CNTNAP2: variants seen among roughly 807,000 people sequenced by gnomAD.
The protein encoded by CNTNAP2 is contactin-associated protein-like 2.
CNTNAP2 carries 98 observed loss-of-function variants against 155.2 expected under a neutral mutation model. That is an observed-to-expected ratio of 0.63 (90% CI 0.54 to 0.75). CNTNAP2 has a LOEUF of 0.75. Ranked by LOEUF, CNTNAP2 falls within the 30% of genes least tolerant of loss-of-function variation. CNTNAP2 has a pLI of 0.00. For missense variants in CNTNAP2, 1,727 were observed against 1,688.1 expected, an observed-to-expected ratio of 1.02 and a Z score of -0.40; for synonymous variants, 651 against 631.2, an observed-to-expected ratio of 1.03 and a Z score of -0.47.
intron 1 of CNTNAP2, among the ~76,000 whole-genome samples, chr7:146,150,716 T>C (rs532054152): frequency 2.0e-5 from 3 of 152,218 alleles, no homozygotes; most frequent in South Asian, 4.1e-4. Flanking sequence ...GGCCCAACTT[T>C]AGGTAGAAAT....
chr7:147,263,586 G>A (rs1279983406), intron 8 of CNTNAP2, among the ~76,000 whole-genome samples: 1 of 152,156 alleles, frequency 6.6e-6, no homozygotes, highest in Non-Finnish European at 1.5e-5. Flanking sequence ...ATCTGCCTGA[G>A]ATAATTTGAC....
rs532201192 is a variant in CNTNAP2 at position 147,533,208 on chromosome 7, T to G, written c.1778-28930T>G. On this transcript the variant is annotated intron_variant, in intron 11 of 23. Coordinates refer to ENST00000361727, the MANE Select transcript of CNTNAP2 (RefSeq NM_014141.6). ...TTTGATCTTAGAAAAAACTAAAAGT[T>G]ATCATAAAAGACTTTATTCTAACTG... Among the ~76,000 whole-genome samples the G allele has an allele frequency of 3.3e-5, 5 of 152,328 alleles. No homozygotes were observed. In the East Asian group the frequency reaches 9.6e-4, roughly 29 times the overall value.
chr7:147,052,898 A>T (rs1444099903), intron 4 of CNTNAP2, among the ~76,000 whole-genome samples: 2 of 151,744 alleles, frequency 1.3e-5, no homozygotes, highest in Non-Finnish European at 1.5e-5. Flanking sequence ...TATTAGATTT[A>T]AAAAAAATAC....
chr7:147,865,240 C>T (rs531293432), intron 13 of CNTNAP2, among the ~76,000 whole-genome samples: 60 of 152,188 alleles, frequency 3.9e-4, no homozygotes, highest in African/African-American at 1.3e-3. Flanking sequence ...TATTGATTTG[C>T]ATATGTTGAA....
At chr7:147,788,962 T>C (rs933118394) in intron 13 of CNTNAP2, among the ~76,000 whole-genome samples, 3 of 140,570 alleles carry the variant, frequency 2.1e-5, no homozygotes, top group Non-Finnish European at 4.5e-5. Flanking sequence ...TGGAGTAAAG[T>C]GGTGTGATCT....
At chr7:146,533,867 T>G (rs890218522) in intron 1 of CNTNAP2, among the ~76,000 whole-genome samples, 1 of 152,146 alleles carries the variant, frequency 6.6e-6, no homozygotes, top group African/African-American at 2.4e-5. Flanking sequence ...GCTGTATTTC[T>G]TAACAATTAT....
chr7:147,859,421 CCAAA>C (rs1160637309), intron 13 of CNTNAP2, among the ~76,000 whole-genome samples: 1 of 58,214 alleles, frequency 1.7e-5, no homozygotes, highest in African/African-American at 1.5e-4. Flanking sequence ...AAGATCAAGA[CCAAA>C]AAAAAAAAAA....
At chr7:147,872,987 A>C (rs1317528811) in intron 13 of CNTNAP2, among the ~76,000 whole-genome samples, 5 of 152,248 alleles carry the variant, frequency 3.3e-5, no homozygotes, top group Non-Finnish European at 5.9e-5. Flanking sequence ...TCAAAGCCTA[A>C]ATATGAACAT....
intron 13 of CNTNAP2, among the ~76,000 whole-genome samples, chr7:147,791,451 C>CTTT (rs1240752761): frequency 4.5e-5 from 6 of 132,622 alleles, no homozygotes; most frequent in African/African-American, 1.5e-4. Flanking sequence ...GTCTCTCTCT[C>CTTT]TCTTTTTTTT....
intron 21 of CNTNAP2, among the ~76,000 whole-genome samples, chr7:148,363,380 G>A (rs1380908227): frequency 6.6e-6 from 1 of 152,198 alleles, no homozygotes; most frequent in African/African-American, 2.4e-5. Context: ...GGGTGTGTTT[G>A]GTAAGTTGAG....
intron 15 of CNTNAP2, among the ~76,000 whole-genome samples, chr7:148,105,429 T>C (rs1804187302): frequency 6.6e-6 from 1 of 152,132 alleles, no homozygotes; most frequent in Non-Finnish European, 1.5e-5. Flanking sequence ...ATTCTGAGGC[T>C]AGGAGTAGAA....
intron 22 of CNTNAP2, among the ~76,000 whole-genome samples, chr7:148,392,553 C>T (rs1252569918): frequency 1.3e-5 from 2 of 152,178 alleles, no homozygotes; most frequent in Admixed American, 6.5e-5. Flanking sequence ...TCTGCCCTAA[C>T]GCTAACCTGC....
intron 3 of CNTNAP2, among the ~76,000 whole-genome samples, chr7:146,985,362 G>GGC (rs1798097124): frequency 7.1e-6 from 1 of 141,120 alleles, no homozygotes; most frequent in Non-Finnish European, 1.5e-5. Flanking sequence ...CTGTCTCCCA[G>GGC]GCTGAAGTGC....
At chr7:146,509,343 T>C (rs1462715279) in intron 1 of CNTNAP2, among the ~76,000 whole-genome samples, 8 of 152,178 alleles carry the variant, frequency 5.3e-5, no homozygotes, top group African/African-American at 1.9e-4. Context: ...GGATGAGTCA[T>C]AATGGAGGCC....
chr7:146,818,201 A>G (rs1803211389), intron 2 of CNTNAP2, among the ~76,000 whole-genome samples: 1 of 152,250 alleles, frequency 6.6e-6, no homozygotes, highest in Non-Finnish European at 1.5e-5. Context: ...CAAGTTCTCT[A>G]CTAATGGATG....
At chr7:147,186,410 T>C (rs991448457) in intron 8 of CNTNAP2, among the ~76,000 whole-genome samples, 1 of 152,202 alleles carries the variant, frequency 6.6e-6, no homozygotes, top group African/African-American at 2.4e-5. Flanking sequence ...TTGAGGCATT[T>C]ATTATTGCCC....
chr7:146,725,440 A>C (rs1404777862), intron 1 of CNTNAP2, among the ~76,000 whole-genome samples: 1 of 152,054 alleles, frequency 6.6e-6, no homozygotes, highest in Non-Finnish European at 1.5e-5. Context: ...TAATTTGGGG[A>C]AATATTTAGT....
At chr7:147,385,247 C>A (rs1395071905) in intron 9 of CNTNAP2, among the ~76,000 whole-genome samples, 1 of 152,096 alleles carries the variant, frequency 6.6e-6, no homozygotes, top group East Asian at 1.9e-4. Flanking sequence ...GGGACACAGC[C>A]AAACCATATC....
rs59206917 is a variant in CNTNAP2 at position 146,702,397 on chromosome 7, A to G, written c.98-71874A>G. On this transcript the variant is annotated intron_variant, in intron 1 of 23. Transcript: ENST00000361727. ...AAATTAAGTATTTTTATTCTATTAAAAGGGCAGAGAATTGTGAAATACTTT... is the reference window on the plus strand; with the variant it reads ...AAATTAAGTATTTTTATTCTATTAAGAGGGCAGAGAATTGTGAAATACTTT... 2.4e-4 allele frequency among the ~76,000 whole-genome samples: 37 copies of G among 152,284 alleles called. No homozygotes were observed. In the East Asian group the frequency reaches 6.2e-3, roughly 25 times the overall value.
Sources: allele counts gnomAD v4.1 joint callset (sites outside exome capture counted in the v4.1 genomes callset), GRCh38; gene constraint gnomAD v4.1.1; transcripts MANE v1.5; gene names NCBI Gene and HGNC (gene_info 2026-07-23, HGNC 2026-07-21).